ATXN10: variants seen among roughly 807,000 people sequenced by gnomAD.
The protein encoded by ATXN10 is ataxin 10, also known as ataxin-10.
Under a neutral mutation model 52.9 loss-of-function variants are expected in ATXN10, and 28 were observed. The observed-to-expected ratio is 0.53, with a 90% confidence interval of 0.39 to 0.73. ATXN10 has a LOEUF of 0.73. Among genes scored for constraint, ATXN10 ranks in the 30% least tolerant of loss-of-function variants. ATXN10 has a pLI of 0.00. For missense variants in ATXN10, 565 were observed against 577.0 expected (o/e 0.98, Z 0.21); for synonymous variants, 226 against 221.5 (o/e 1.02, Z -0.18).
At position 45,790,726 on chromosome 22, in the gene ATXN10, A is replaced by G. The variant is rs1927478807; in HGVS notation, c.1174-16233A>G. On this transcript the variant is annotated intron_variant, in intron 9 of 11. Coordinates refer to ENST00000252934, the MANE Select transcript of ATXN10 (RefSeq NM_013236.4). This position sits in a 1 kb window ranked among gnomAD's most constrained non-coding sequence, Gnocchi z 4.7. Reference sequence around the variant, plus strand: ...AATCACAGTTTCTGTTCAAATAGCCACTGAAACATCTACTCTTTTCTACAC... The same window carrying G: ...AATCACAGTTTCTGTTCAAATAGCCGCTGAAACATCTACTCTTTTCTACAC... 6.6e-6 allele frequency among the ~76,000 whole-genome samples: 1 copy of G among 152,196 alleles called. No individual in the cohort carries two copies. The highest frequency in any genetic ancestry group is 2.4e-5 in the African/African-American group (1 of 41,430).
chr22:45,728,356 T>C lies in ATXN10; in HGVS notation c.729-1069T>C, dbSNP rs1924959158. The stretch of plus-strand genomic sequence containing the variant: ...AGTGGACCGTGTATTAGTTTTATTT[T>C]GGATTAATTATTGTCACAAGAAATC... On this transcript the variant is annotated intron_variant, in intron 6 of 11. Coordinates refer to ENST00000252934, the MANE Select transcript of ATXN10 (RefSeq NM_013236.4). The surrounding 1 kb of genome is among the most constrained non-coding windows in gnomAD (Gnocchi z 4.3). 6.6e-6 allele frequency among the ~76,000 whole-genome samples: 1 copy of C among 152,220 alleles called. No individual in the cohort carries two copies. Among genetic ancestry groups the C allele is most frequent in the African/African-American group, 2.4e-5 (1 of 41,458 alleles).
intron 1 of ATXN10, among the ~76,000 whole-genome samples, chr22:45,686,944 T>C (rs1923167387): frequency 6.6e-6 from 1 of 152,126 alleles, no homozygotes; most frequent in African/African-American, 2.4e-5. Flanking sequence ...ATCGGGGGTT[T>C]TCAGGAATCC....
intron 9 of ATXN10, chr22:45,760,531 C>T (rs1240432524): frequency 5.9e-5 from 9 of 153,796 alleles, no homozygotes; most frequent in Admixed American, 2.0e-4. Flanking sequence ...TTTCTGATAC[C>T]CCAAATCTTG....
intron 9 of ATXN10, among the ~76,000 whole-genome samples, chr22:45,798,688 G>A (rs1927830917): frequency 6.6e-6 from 1 of 152,152 alleles, no homozygotes; most frequent in African/African-American, 2.4e-5. Context: ...ACTAAGCCAA[G>A]AAAAATCAGA....
Position 45,843,488 on chromosome 22 carries a change from G to T in ATXN10, c.1426-181G>T, listed in dbSNP as rs1044786518. 1.3e-5 allele frequency among the ~76,000 whole-genome samples: 2 copies of T among 152,188 alleles called. No individual in the cohort carries two copies. Among genetic ancestry groups the T allele is most frequent in the Non-Finnish European group, 2.9e-5 (2 of 68,024 alleles). On this transcript the variant is annotated intron_variant, in intron 11 of 11. Transcript: ENST00000252934. The surrounding 1 kb of genome is among the most constrained non-coding windows in gnomAD (Gnocchi z 4.5). ...GGAATTAGATTTTCTTTAAAAGATA[G>T]TTAATGTTCACTATAGTTTAAAAAA...
At chr22:45,788,205 A>G (rs992374713) in intron 9 of ATXN10, among the ~76,000 whole-genome samples, 3 of 152,120 alleles carry the variant, frequency 2.0e-5, no homozygotes, top group East Asian at 1.9e-4. Flanking sequence ...CACATTTTCA[A>G]TGTATAAGAG....
At chr22:45,821,895 G>A (rs891823854) in intron 10 of ATXN10, among the ~76,000 whole-genome samples, 8 of 152,128 alleles carry the variant, frequency 5.3e-5, no homozygotes, top group African/African-American at 1.9e-4. Flanking sequence ...TTATAAAGCA[G>A]ACATCCACAT....
rs758130142 is a variant in ATXN10 at position 45,835,323 on chromosome 22, G to A, written c.1238-7668G>A. On this transcript the variant is annotated intron_variant, in intron 10 of 11. Transcript: ENST00000252934. The surrounding 1 kb of genome is among the most constrained non-coding windows in gnomAD (Gnocchi z 5.0). ...GACTGGTGAGGGATGGAGAGTACAC[G>A]CCCAGCAAGGCCTGGACAGCGCACT... 6.6e-5 allele frequency among the ~76,000 whole-genome samples: 10 copies of A among 152,292 alleles called. No homozygotes were observed. The highest frequency in any genetic ancestry group is 2.0e-4 in the Admixed American group (3 of 15,300).
rs1303054348 is a variant in ATXN10, at chr22:45,780,122, C to T, written c.1174-26837C>T. ...TTTTTGAGACGGAGTCTCGTTGTGT[C>T]ACCCAGGCTGGAGTGCAGTGGCACG... On this transcript the variant is annotated intron_variant, in intron 9 of 11. Coordinates refer to ENST00000252934, the MANE Select transcript of ATXN10 (RefSeq NM_013236.4). This position sits in a 1 kb window ranked among gnomAD's most constrained non-coding sequence, Gnocchi z 4.0. Among the ~76,000 whole-genome samples the T allele has an allele frequency of 6.7e-6, 1 of 149,738 alleles. No individual in the cohort carries two copies. Among genetic ancestry groups the T allele is most frequent in the African/African-American group, 2.5e-5 (1 of 40,512 alleles).
rs896349210 is a variant in ATXN10, at chr22:45,833,950, A to G, written c.1238-9041A>G. Among the ~76,000 whole-genome samples, 2 of 152,180 alleles carry G rather than the reference A, an allele frequency of 1.3e-5. No individual in the cohort carries two copies. Among genetic ancestry groups the G allele is most frequent in the Non-Finnish European group, 2.9e-5 (2 of 68,022 alleles). On this transcript the variant is annotated intron_variant, in intron 10 of 11. Coordinates refer to ENST00000252934, the MANE Select transcript of ATXN10 (RefSeq NM_013236.4). This position sits in a 1 kb window ranked among gnomAD's most constrained non-coding sequence, Gnocchi z 4.3. Reference sequence around the variant, plus strand: ...CACATCCAGTTGCGGGACCTTGGCCATGTTCGCCTCTGTGTCTAAGTTTTC... The same window carrying G: ...CACATCCAGTTGCGGGACCTTGGCCGTGTTCGCCTCTGTGTCTAAGTTTTC...
chr22:45,836,638 G>A (rs1929177154), intron 10 of ATXN10, among the ~76,000 whole-genome samples: 1 of 152,196 alleles, frequency 6.6e-6, no homozygotes, highest in African/African-American at 2.4e-5. Context: ...GGGGTGAGAT[G>A]GGGTGAGGAG....
At position 45,835,651 on chromosome 22, in the gene ATXN10, T is replaced by G. The variant is rs574212614; in HGVS notation, c.1238-7340T>G. Among the ~76,000 whole-genome samples, 82 of 152,366 alleles carry G rather than the reference T, an allele frequency of 5.4e-4. No homozygotes were observed. The highest frequency in any genetic ancestry group is 1.8e-3 in the African/African-American group (74 of 41,592). On this transcript the variant is annotated intron_variant, in intron 10 of 11. Coordinates refer to ENST00000252934, the MANE Select transcript of ATXN10 (RefSeq NM_013236.4). The surrounding 1 kb of genome is among the most constrained non-coding windows in gnomAD (Gnocchi z 5.0). ...TTATGGGGCCTATGTACCACTTCCCTTACGGCCTAGAAGCCGATTAGCAGC... is the reference window on the plus strand; with the variant it reads ...TTATGGGGCCTATGTACCACTTCCCGTACGGCCTAGAAGCCGATTAGCAGC...
chr22:45,803,832 A>G (rs1928010271), intron 9 of ATXN10, among the ~76,000 whole-genome samples: 1 of 152,032 alleles, frequency 6.6e-6, no homozygotes, highest in Non-Finnish European at 1.5e-5. Context: ...AGCTTTGGAT[A>G]CAGTCTCAGG....
At chr22:45,719,744 G>A (rs921887710) in intron 6 of ATXN10, among the ~76,000 whole-genome samples, 14 of 152,128 alleles carry the variant, frequency 9.2e-5, no homozygotes, top group Non-Finnish European at 2.1e-4. Context: ...TGTATCAGGT[G>A]CATCCTTACT....
At chr22:45,700,482 A>G in intron 4 of ATXN10, 104 bp downstream of exon 4, 1 of 890,026 alleles carries the variant, frequency 1.1e-6, no homozygotes, top group Non-Finnish European at 1.8e-6. Flanking sequence ...CCACTGTAAT[A>G]GAGTTCAGGA....
chr22:45,713,104 A>AC (rs1230999470), intron 5 of ATXN10, among the ~76,000 whole-genome samples: 2 of 150,166 alleles, frequency 1.3e-5, no homozygotes, highest in East Asian at 2.0e-4. Flanking sequence ...TTTCCCTGAA[A>AC]CCCCCCGTCT....
chr22:45,737,170 T>C (rs933816712), intron 7 of ATXN10, among the ~76,000 whole-genome samples: 1 of 152,278 alleles, frequency 6.6e-6, no homozygotes, highest in Non-Finnish European at 1.5e-5. Flanking sequence ...ACCGTTGTAA[T>C]TCTTTCTGAT....
At chr22:45,707,422 G>T (rs866013755) in intron 5 of ATXN10, among the ~76,000 whole-genome samples, 3 of 152,022 alleles carry the variant, frequency 2.0e-5, no homozygotes, top group African/African-American at 7.2e-5. Context: ...ACAATAATAT[G>T]ATGTGTTTAA....
At chr22:45,746,977 T>C (rs781535110) in intron 9 of ATXN10, among the ~76,000 whole-genome samples, 21 of 152,262 alleles carry the variant, frequency 1.4e-4, no homozygotes, top group Non-Finnish European at 2.2e-4. Context: ...TTTATTTGGG[T>C]ATCACTCAAT....
Sources: allele counts gnomAD v4.1 joint callset (sites outside exome capture counted in the v4.1 genomes callset), GRCh38; gene constraint gnomAD v4.1.1; non-coding constraint Gnocchi (gnomAD v3.1); transcripts MANE v1.5; gene names NCBI Gene and HGNC (gene_info 2026-07-23, HGNC 2026-07-21).